Variants in CENPN observed in about 807,000 individuals in gnomAD.
CENPN encodes the protein centromere protein N.
In CENPN, 36 loss-of-function variants were observed where a neutral mutation model predicts 48.6. The ratio of observed to expected loss-of-function variants is 0.74; its 90% CI spans 0.57 to 0.98. The LOEUF (loss-of-function observed/expected upper bound fraction) is 0.98. Ranked by LOEUF, CENPN falls within the 50% of genes least tolerant of loss-of-function variation. CENPN has a pLI of 0.00. For missense variants in CENPN, 439 were observed against 399.2 expected (o/e 1.10, Z -0.85); for synonymous variants, 166 against 135.2 (o/e 1.23, Z -1.58).
chr16:81,031,032 G>A lies in CENPN; in HGVS notation c.*2381G>A, dbSNP rs963298248. On this transcript the variant is annotated 3_prime_UTR_variant, in exon 11 of 11. Transcript: ENST00000305850. ...CCACTGCACTCCAGCCTAGGTGACA[G>A]AGTGAGACTCCATCTTAAAAAATAA... The A allele has an allele frequency of 6.6e-6, 1 of 152,106 alleles. No homozygotes were observed. The highest frequency in any genetic ancestry group is 1.5e-5 in the Non-Finnish European group (1 of 68,046). 9.4% of individuals were successfully genotyped at this position (152,106 alleles called of 1,614,324 possible).
intron 6 of CENPN, chr16:81,022,242 G>A (rs2167887): frequency 0.98 from 239,433 of 244,236 alleles, 117,546 homozygotes; most frequent in East Asian, 1. Flanking sequence ...ACATATCTGC[G>A]TTTTTGTATG....
Position 81,029,331 on chromosome 16 carries a change from T to A in CENPN, c.*680T>A. ...AAACTGGCACATCAGTTAATTTTGA[T>A]CAAAGTACTTCAGTGATCATCACTA... is the stretch of plus-strand genomic sequence containing the variant. On this transcript the variant is annotated 3_prime_UTR_variant, in exon 11 of 11. Coordinates refer to ENST00000305850, the MANE Select transcript of CENPN (RefSeq NM_001100624.3). 3.2e-6 allele frequency: 3 copies of A among 944,132 alleles called. No homozygotes were observed. The highest frequency in any genetic ancestry group is 3.8e-6 in the Non-Finnish European group (3 of 792,366). The allele number at this position is 944,132 out of a possible 1,614,324, so 58.5% of individuals were successfully genotyped here.
At chr16:81,032,277 C>T (rs1970806146), downstream of CENPN, among the ~76,000 whole-genome samples, 1 of 152,170 alleles carries the variant, frequency 6.6e-6, no homozygotes, top group Admixed American at 6.5e-5. Context: ...AAGGCCTGCC[C>T]CTCAGGCTCA....
chr16:81,010,363 G>C (rs1169933178), intron 1 of CENPN, among the ~76,000 whole-genome samples: 2 of 152,166 alleles, frequency 1.3e-5, no homozygotes, highest in Non-Finnish European at 2.9e-5. Flanking sequence ...AAAGAGCTCA[G>C]AATCTTCCTT....
chr16:81,029,842 T>C lies in CENPN; in HGVS notation c.*1191T>C, dbSNP rs1031818674. On this transcript the variant is annotated 3_prime_UTR_variant, in exon 11 of 11. Transcript: ENST00000305850. ...TGCCCATTTTAGCCTCCTAAAATGC[T>C]GGGATTATAGGAGTGTATTAGTCTA... Among the ~76,000 whole-genome samples the C allele has an allele frequency of 1.3e-5, 2 of 152,198 alleles. No individual in the cohort carries two copies. Among genetic ancestry groups the C allele is most frequent in the African/African-American group, 4.8e-5 (2 of 41,442 alleles).
Position 81,020,127 on chromosome 16 carries a change from G to A in CENPN, c.382G>A (p.Glu128Lys), listed in dbSNP as rs1970115513. Residue 128 changes from glutamate to lysine, a missense_variant, in exon 6 of 11, where the codon GAG becomes AAG. By Grantham distance (56) the Glu-to-Lys change is moderately conservative. Coordinates refer to ENST00000305850, the MANE Select transcript of CENPN (RefSeq NM_001100624.3). ...NVTVSFRETEENAVWIRIAWG... is the reference protein window; with the variant it reads ...NVTVSFRETEKNAVWIRIAWG... ...GACAGTCAGCTTCAGAGAAACTGAG[G>A]AGAATGCAGTCTGGATTCGAATTGC... The A allele has an allele frequency of 6.2e-7, 1 of 1,611,738 alleles. No homozygotes were observed. The highest frequency in any genetic ancestry group is 1.3e-5 in the African/African-American group (1 of 74,574).
rs1285710014 is a variant in CENPN at position 81,017,660 on chromosome 16, T to C, written c.278-98T>C. On this transcript the variant is annotated intron_variant, in intron 4 of 10. Coordinates refer to ENST00000305850, the MANE Select transcript of CENPN (RefSeq NM_001100624.3). ...TGATTTGATCATTATTACTCTGGAATTATACAAAATGCTTAGTTTCATGGT... is the reference window on the plus strand; with the variant it reads ...TGATTTGATCATTATTACTCTGGAACTATACAAAATGCTTAGTTTCATGGT... 7.0e-6 allele frequency: 6 copies of C among 852,470 alleles called. No homozygotes were observed. The East Asian group carries it at 1.5e-4, about 21-fold the overall frequency. 52.8% of individuals were successfully genotyped at this position (852,470 alleles called of 1,614,324 possible). A position where few individuals can be genotyped will look rare whatever the true frequency, so the allele number is the denominator to read the frequency against.
chr16:81,032,586 C>G (rs148450184), downstream of CENPN: 1 of 1,609,362 alleles, frequency 6.2e-7, no homozygotes, highest in Non-Finnish European at 8.5e-7. Context: ...TTTGCAGGAT[C>G]CAAAAGCTGC....
intron 5 of CENPN, 107 bp from the exon 6 acceptor site, chr16:81,019,993 A>G (rs560701823): frequency 2.5e-6 from 2 of 806,826 alleles, no homozygotes; most frequent in African/African-American, 1.8e-5. Flanking sequence ...CAACCTGCAT[A>G]CAAGAGTATA....
chr16:81,026,630 C>T lies in CENPN; in HGVS notation c.802C>T (p.Gln268Ter), dbSNP rs1050906287. ...DYPQPQLEFAQYKLETKFKSG... is the reference protein window; with the variant it reads ...DYPQPQLEFA ...TCCTCAACCACAACTAGAATTTGCA[C>T]AATATAAGGTAAGATGTCGTAATAA... The change falls in exon 9 of 11, where the codon CAA becomes TAA. Residue 268 changes from glutamine to a stop codon, truncating the protein, a stop_gained. Transcript: ENST00000305850. LOFTEE classifies it high-confidence loss of function. 1 of 1,531,406 alleles carries T rather than the reference C, an allele frequency of 6.5e-7. No individual in the cohort carries two copies. The highest frequency in any genetic ancestry group is 9.0e-7 in the Non-Finnish European group (1 of 1,109,192). The allele number at this position is 1,531,406 out of a possible 1,614,324, so 94.9% of individuals were successfully genotyped here.
chr16:81,024,536 G>C, intron 7 of CENPN, 179 bp from the exon 8 acceptor site: 1 of 483,896 alleles, frequency 2.1e-6, no homozygotes, highest in East Asian at 3.6e-5. Context: ...CGAGTTGCAG[G>C]CTCAGCAGCC....
intron 1 of CENPN, among the ~76,000 whole-genome samples, chr16:81,008,345 G>A (rs3759934): frequency 0.085 from 12,950 of 151,980 alleles, 684 homozygotes; most frequent in East Asian, 0.26. Flanking sequence ...TCATTTTAAC[G>A]GGTAGCCTCG....
At chr16:81,032,332 C>G (rs1231273531), downstream of CENPN, among the ~76,000 whole-genome samples, 1 of 152,146 alleles carries the variant, frequency 6.6e-6, no homozygotes, top group African/African-American at 2.4e-5. Context: ...TTCTGTCTCC[C>G]TGGTCCATTT....
chr16:81,009,950 G>C (rs958241233), intron 1 of CENPN, among the ~76,000 whole-genome samples: 6 of 152,200 alleles, frequency 3.9e-5, no homozygotes, highest in African/African-American at 1.4e-4. Flanking sequence ...TGTAATCCCA[G>C]CACTTCAGGA....
Position 81,017,404 on chromosome 16 carries a change from A to T in CENPN, c.277+19A>T. 1 of 1,515,416 alleles carries T rather than the reference A, an allele frequency of 6.6e-7. No homozygotes were observed. Among genetic ancestry groups the T allele is most frequent in the Non-Finnish European group, 9.2e-7 (1 of 1,091,814 alleles). 93.9% of individuals were successfully genotyped at this position (1,515,416 alleles called of 1,614,324 possible). A position where few individuals can be genotyped will look rare whatever the true frequency, so the allele number is the denominator to read the frequency against. ...GGACCAGGTAATATTTTCTGTTTAC[A>T]ATTGAATATTTGATAGTTTGGCTTG... On this transcript the variant is annotated intron_variant, in intron 4 of 10. Coordinates refer to ENST00000305850, the MANE Select transcript of CENPN (RefSeq NM_001100624.3).
chr16:81,020,676 C>T (rs897210471), intron 6 of CENPN, among the ~76,000 whole-genome samples: 3 of 152,006 alleles, frequency 2.0e-5, no homozygotes, highest in East Asian at 3.9e-4. Context: ...AAAATGCAAC[C>T]GATACAGAAG....
intron 5 of CENPN, among the ~76,000 whole-genome samples, chr16:81,019,010 T>G (rs1485300105): frequency 6.6e-6 from 1 of 152,208 alleles, no homozygotes; most frequent in Non-Finnish European, 1.5e-5. Context: ...TTTAAAAGTT[T>G]GGAAAGGCCT....
At chr16:81,007,870 A>G (rs962392683) in intron 1 of CENPN, among the ~76,000 whole-genome samples, 3 of 152,126 alleles carry the variant, frequency 2.0e-5, no homozygotes, top group African/African-American at 7.2e-5. Flanking sequence ...ACTTTGGGAG[A>G]CCGACGTGGG....
chr16:81,015,240 T>C (rs1263314840), intron 3 of CENPN, among the ~76,000 whole-genome samples: 1 of 150,374 alleles, frequency 6.7e-6, no homozygotes, highest in Non-Finnish European at 1.5e-5. Flanking sequence ...AAGATGTCTG[T>C]TTTTTTTATC....
Sources: gnomAD v4.1 joint callset for allele counts (sites outside exome capture counted in the v4.1 genomes callset) on GRCh38, gnomAD v4.1.1 for gene constraint, MANE v1.5 for transcripts, NCBI Gene and HGNC (gene_info 2026-07-23, HGNC 2026-07-21) for gene names.